Variants in INTS4 observed in about 807,000 individuals in gnomAD.
The protein encoded by INTS4 is integrator complex subunit 4, also known as MSTP093.
A neutral mutation model predicts 119.5 loss-of-function variants in INTS4; 70 were observed. The ratio of observed to expected loss-of-function variants is 0.59; its 90% confidence interval spans 0.48 to 0.71. The LOEUF (loss-of-function observed/expected upper bound fraction) is 0.71, where lower values mean the gene tolerates loss of function less well. Among genes scored for constraint, INTS4 ranks in the 30% least tolerant of loss-of-function variants. INTS4 has a pLI of 0.00. For synonymous variants in INTS4, 316 were observed against 419.6 expected, an observed-to-expected ratio of 0.75 and a Z score of 3.02; for missense variants, 867 against 1,173.2, an observed-to-expected ratio of 0.74 and a Z score of 3.81.
Position 77,891,849 on chromosome 11 carries a change from A to T in INTS4, c.2289-9T>A. 6.2e-7 allele frequency: 1 copy of T among 1,610,858 alleles called. No individual in the cohort carries two copies. The highest frequency in any genetic ancestry group is 8.5e-7 in the Non-Finnish European group (1 of 1,178,954). On this transcript the variant is annotated splice_polypyrimidine_tract_variant and intron_variant, in intron 19 of 22. Transcript: ENST00000534064. ...AATCAGCGATGAAATACCTGGAGGAACAAACAGAAGCAACTGACTCATTCA... is the reference window on the plus strand; with the variant it reads ...AATCAGCGATGAAATACCTGGAGGATCAAACAGAAGCAACTGACTCATTCA...
At chr11:77,914,082 A>G (rs1480037845) in intron 15 of INTS4, among the ~76,000 whole-genome samples, 1 of 152,224 alleles carries the variant, frequency 6.6e-6, no homozygotes, top group African/African-American at 2.4e-5. Flanking sequence ...TCATGTCTGC[A>G]ATGATGGTTG....
chr11:77,886,212 GA>G (rs576019396), intron 21 of INTS4, among the ~76,000 whole-genome samples: 14 of 149,052 alleles, frequency 9.4e-5, no homozygotes, highest in African/African-American at 2.2e-4. Context: ...TCAAAAAAAA[GA>G]AAAAAAAAAT....
At chr11:77,940,640 T>C (rs1236911880) in intron 9 of INTS4, among the ~76,000 whole-genome samples, 1 of 152,128 alleles carries the variant, frequency 6.6e-6, no homozygotes, top group Non-Finnish European at 1.5e-5. Context: ...TGTTGTTTTT[T>C]GGGTTTTGTT....
chr11:77,934,946 T>C (rs1953752709), intron 10 of INTS4, among the ~76,000 whole-genome samples: 1 of 152,218 alleles, frequency 6.6e-6, no homozygotes, highest in Non-Finnish European at 1.5e-5. Flanking sequence ...GAGGTATGAT[T>C]TTGTAGGCAC....
At chr11:77,903,770 A>C in intron 16 of INTS4, 150 bp from the exon 17 acceptor site, 1 of 642,270 alleles carries the variant, frequency 1.6e-6, no homozygotes. Flanking sequence ...AGCTGTATCT[A>C]TTATGGAGAA....
intron 21 of INTS4, among the ~76,000 whole-genome samples, chr11:77,891,087 C>G (rs564144517): frequency 6.6e-6 from 1 of 152,148 alleles, no homozygotes; most frequent in Non-Finnish European, 1.5e-5. Flanking sequence ...CTCTTTATGT[C>G]AACTCCTCCT....
intron 17 of INTS4, 150 bp downstream of exon 17, chr11:77,903,390 T>C (rs1168300836): frequency 6.2e-7 from 1 of 1,600,876 alleles, no homozygotes; most frequent in African/African-American, 1.3e-5. Context: ...GCCAAATCAC[T>C]CTGCTTCAAA....
intron 4 of INTS4, among the ~76,000 whole-genome samples, chr11:77,970,924 C>G (rs574485111): frequency 1.3e-5 from 2 of 152,114 alleles, no homozygotes; most frequent in Non-Finnish European, 2.9e-5. Context: ...CCTCATGCCT[C>G]AGCCTCCCGA....
intron 15 of INTS4, chr11:77,918,115 T>G: frequency 1.4e-6 from 1 of 702,398 alleles, no homozygotes; most frequent in Middle Eastern, 2.3e-4. Flanking sequence ...GGCTGCTTGA[T>G]GCAGAAGATG....
intron 18 of INTS4, among the ~76,000 whole-genome samples, chr11:77,898,454 G>A (rs541334988): frequency 1.4e-4 from 21 of 152,268 alleles, no homozygotes; most frequent in Admixed American, 1.2e-3. Context: ...GAGCCACTGC[G>A]CCCGGCCAAC....
intron 10 of INTS4, among the ~76,000 whole-genome samples, chr11:77,935,036 C>A (rs1271803224): frequency 2.6e-5 from 4 of 152,158 alleles, no homozygotes; most frequent in East Asian, 1.9e-4. Context: ...AGGTCTGTTA[C>A]CCTTGCTGAT....
At chr11:77,990,003 G>A (rs1159563400) in intron 2 of INTS4, among the ~76,000 whole-genome samples, 1 of 152,054 alleles carries the variant, frequency 6.6e-6, no homozygotes, top group Non-Finnish European at 1.5e-5. Context: ...ATCACTTGAG[G>A]TCAGGAGTAC....
chr11:77,987,687 G>C (rs1032286153), intron 2 of INTS4: 1 of 448,634 alleles, frequency 2.2e-6, no homozygotes, highest in Non-Finnish European at 4.5e-6. Flanking sequence ...GCAACACAGA[G>C]AGACTCCATC....
chr11:77,888,182 G>A (rs1473553164), intron 21 of INTS4, among the ~76,000 whole-genome samples: 1 of 152,204 alleles, frequency 6.6e-6, no homozygotes, highest in Non-Finnish European at 1.5e-5. Context: ...TATACTACAA[G>A]CCTACAGTAA....
At chr11:77,993,022 G>T (rs1489876007) in intron 1 of INTS4, among the ~76,000 whole-genome samples, 4 of 152,154 alleles carry the variant, frequency 2.6e-5, no homozygotes, top group Non-Finnish European at 5.9e-5. Context: ...TCAGTTTTCA[G>T]TCTTATCGAA....
intron 15 of INTS4, among the ~76,000 whole-genome samples, chr11:77,917,713 T>A (rs1953237400): frequency 6.6e-6 from 1 of 151,358 alleles, no homozygotes; most frequent in Non-Finnish European, 1.5e-5. Context: ...AATTTTTTAA[T>A]CTTTTAAGAG....
chr11:77,920,742 C>T (rs1953338984), intron 14 of INTS4, among the ~76,000 whole-genome samples: 1 of 151,900 alleles, frequency 6.6e-6, no homozygotes, highest in Admixed American at 6.6e-5. Flanking sequence ...GTCCCAGCTA[C>T]TCGGGAGGCT....
At chr11:77,960,758 G>A (rs997989448) in intron 5 of INTS4, among the ~76,000 whole-genome samples, 195 bp downstream of exon 5, 1 of 152,108 alleles carries the variant, frequency 6.6e-6, no homozygotes, top group South Asian at 2.1e-4. Context: ...AAATACACAT[G>A]AAAGCTACCA....
At chr11:77,989,318 T>C (rs893938942) in intron 2 of INTS4, among the ~76,000 whole-genome samples, 3 of 151,918 alleles carry the variant, frequency 2.0e-5, no homozygotes, top group Non-Finnish European at 4.4e-5. Flanking sequence ...TGAAACCCCA[T>C]CTCTACTAAA....
Sources: gnomAD v4.1 joint callset for allele counts (sites outside exome capture counted in the v4.1 genomes callset) on GRCh38, gnomAD v4.1.1 for gene constraint, MANE v1.5 for transcripts, NCBI Gene and HGNC (gene_info 2026-07-23, HGNC 2026-07-21) for gene names.